VPS8: variants seen among roughly 807,000 people sequenced by gnomAD.
VPS8 encodes vacuolar protein sorting-associated protein 8 homolog.
VPS8 carries 129 observed loss-of-function variants against 216.4 expected under a neutral mutation model. That is an observed-to-expected ratio of 0.60 (90% CI 0.52 to 0.69). The LOEUF (loss-of-function observed/expected upper bound fraction) is 0.69. VPS8 is among the 30% of genes least tolerant of loss of function. VPS8 has a pLI of 0.00. For synonymous variants in VPS8, 571 were observed against 565.4 expected, an observed-to-expected ratio of 1.01 and a Z score of -0.14; for missense variants, 1,531 against 1,683.5, an observed-to-expected ratio of 0.91 and a Z score of 1.59.
intron 40 of VPS8, among the ~76,000 whole-genome samples, chr3:184,975,260 C>T (rs969148746): frequency 1.3e-5 from 2 of 152,102 alleles, no homozygotes; most frequent in Admixed American, 6.5e-5. Context: ...AGGTCTTTCA[C>T]CTCCTTGGTT....
At chr3:185,035,916 G>T (rs1198599387) in intron 46 of VPS8, among the ~76,000 whole-genome samples, 1 of 152,152 alleles carries the variant, frequency 6.6e-6, no homozygotes, top group Admixed American at 6.5e-5. Flanking sequence ...ACAGTTTCAG[G>T]ATACAAAGTC....
chr3:185,012,819 A>G (rs1755210063), intron 45 of VPS8, among the ~76,000 whole-genome samples: 1 of 152,206 alleles, frequency 6.6e-6, no homozygotes, highest in South Asian at 2.1e-4. Context: ...AGACACACAC[A>G]CAGAAATATA....
intron 21 of VPS8, among the ~76,000 whole-genome samples, chr3:184,882,153 T>A (rs1413654374): frequency 6.6e-6 from 1 of 152,084 alleles, no homozygotes; most frequent in East Asian, 1.9e-4. Context: ...TTGTTCCCAG[T>A]CTTAGGGTAA....
intron 1 of VPS8, chr3:184,812,441 G>A (rs903791413): frequency 1.4e-4 from 21 of 152,376 alleles, no homozygotes; most frequent in Non-Finnish European, 2.9e-4. Context: ...GGAGGGGCGT[G>A]TCGTACGTTG....
chr3:184,866,881 G>A lies in VPS8; in HGVS notation c.1401G>A (p.Leu467=). ...TGGNVSQALA[L]VGEKACYQSI... ...TATGTATGTTTTTCTTCCAGGCTTT[G>A]GTTGGAGAGAAGGCTTGTTATCAAT... Residue 467 remains leucine (L), a synonymous_variant, in exon 17 of 48, where the codon TTG becomes TTA. Transcript: ENST00000625842. 1.2e-6 allele frequency: 2 copies of A among 1,610,990 alleles called. No individual in the cohort carries two copies. The highest frequency in any genetic ancestry group is 2.2e-5 in the South Asian group (2 of 90,004).
chr3:184,831,275 T>C (rs1719923430), intron 3 of VPS8, among the ~76,000 whole-genome samples: 1 of 152,150 alleles, frequency 6.6e-6, no homozygotes, highest in Non-Finnish European at 1.5e-5. Flanking sequence ...TGCAGTGAGC[T>C]GTGATTGTGC....
chr3:185,035,053 G>T (rs1021631904), intron 46 of VPS8, among the ~76,000 whole-genome samples: 5 of 152,066 alleles, frequency 3.3e-5, no homozygotes, highest in Admixed American at 6.6e-5. Context: ...ATCCAGAATA[G>T]ATTGTAACTC....
At chr3:185,026,646 T>C (rs1757397594) in intron 46 of VPS8, among the ~76,000 whole-genome samples, 2 of 151,376 alleles carry the variant, frequency 1.3e-5, no homozygotes, top group Admixed American at 1.3e-4. Context: ...CCTGACCTCA[T>C]GATCCATCCG....
intron 24 of VPS8, 38 bp from the exon 25 acceptor site, chr3:184,900,883 A>G: frequency 6.5e-7 from 1 of 1,530,762 alleles, no homozygotes; most frequent in Non-Finnish European, 8.9e-7. Flanking sequence ...ATATCATTTG[A>G]GATGATGATG....
intron 3 of VPS8, 21 bp from the exon 4 acceptor site, chr3:184,832,668 A>G: frequency 1.3e-6 from 2 of 1,585,016 alleles, no homozygotes; most frequent in South Asian, 2.3e-5. Context: ...GAATGTATTG[A>G]TTTATCTTCT....
intron 35 of VPS8, among the ~76,000 whole-genome samples, chr3:184,939,554 C>CTTT (rs71632037): frequency 7.1e-6 from 1 of 141,192 alleles, no homozygotes; most frequent in Non-Finnish European, 1.5e-5. Context: ...TTGCTGTCCT[C>CTTT]TTTTTTTTTT....
intron 20 of VPS8, 27 bp downstream of exon 20, chr3:184,869,555 A>G: frequency 6.2e-7 from 1 of 1,610,754 alleles, no homozygotes; most frequent in Non-Finnish European, 8.5e-7. Flanking sequence ...GGTCTTTACT[A>G]GAATACAGTG....
At chr3:184,882,854 A>G (rs1447075426) in intron 21 of VPS8, among the ~76,000 whole-genome samples, 2 of 152,100 alleles carry the variant, frequency 1.3e-5, no homozygotes, top group Non-Finnish European at 2.9e-5. Context: ...TAGAATTTTC[A>G]TAGTATTCCC....
At position 184,893,786 on chromosome 3, in the gene VPS8, A is replaced by G. The variant is rs574375449; in HGVS notation, c.1782-917A>G. Among the ~76,000 whole-genome samples, 20 of 152,362 alleles carry G rather than the reference A, an allele frequency of 1.3e-4. No individual in the cohort carries two copies. The South Asian group carries it at 4.1e-3, about 32-fold the overall frequency. ...TTTATATGTAGATGTTCATTGTAGT[A>G]TCACTTGAAATACTGGAAATAAGTA... On this transcript the variant is annotated intron_variant, in intron 22 of 47. Transcript: ENST00000625842.
intron 24 of VPS8, 75 bp from the exon 25 acceptor site, chr3:184,900,846 T>C: frequency 7.7e-7 from 1 of 1,290,522 alleles, no homozygotes; most frequent in Non-Finnish European, 1.1e-6. Context: ...TGGTGATGAA[T>C]AGCATAAGAT....
At chr3:184,977,884 C>CTTTTTTTTTT (rs55727843) in intron 40 of VPS8, among the ~76,000 whole-genome samples, 4 of 131,284 alleles carry the variant, frequency 3.0e-5, no homozygotes, top group South Asian at 2.4e-4. Flanking sequence ...TTTCTTTTTT[C>CTTTTTTTTTT]TTTTTTTTTT....
At chr3:185,013,384 A>G (rs1755324169) in intron 45 of VPS8, among the ~76,000 whole-genome samples, 2 of 152,240 alleles carry the variant, frequency 1.3e-5, no homozygotes, top group South Asian at 4.1e-4. Context: ...TCTGCAGACT[A>G]TACAAAGACA....
rs570216742 is a variant in VPS8 at position 184,890,022 on chromosome 3, A to T, written c.1781+3866A>T. On this transcript the variant is annotated intron_variant, in intron 22 of 47. Coordinates refer to ENST00000625842, the MANE Select transcript of VPS8 (RefSeq NM_001009921.3). ...CCACTTAAATGGTAGAGTTTTAAAA[A>T]TTTTTTTCTTAGAGTTGCCATAGAT... Among the ~76,000 whole-genome samples, 47 of 152,212 alleles carry T rather than the reference A, an allele frequency of 3.1e-4. 1 individual carries two copies. Among genetic ancestry groups the T allele is most frequent in the South Asian group, 4.1e-4 (2 of 4,824 alleles).
intron 42 of VPS8, among the ~76,000 whole-genome samples, chr3:184,984,545 A>T (rs910739207): frequency 2.0e-5 from 3 of 152,040 alleles, no homozygotes; most frequent in Non-Finnish European, 4.4e-5. Context: ...CGCCCGCCTC[A>T]GCCTCCCAAA....
Sources: gnomAD v4.1 joint callset for allele counts (sites outside exome capture counted in the v4.1 genomes callset) on GRCh38, gnomAD v4.1.1 for gene constraint, MANE v1.5 for transcripts, NCBI Gene and HGNC (gene_info 2026-07-23, HGNC 2026-07-21) for gene names.